Variants in PPP1R37 observed in about 807,000 individuals in gnomAD.
PPP1R37 encodes the protein leucine rich repeat containing 68.
Under a neutral mutation model 61.0 loss-of-function variants are expected in PPP1R37, and 21 were observed. That is an observed-to-expected ratio of 0.34 (90% CI 0.24 to 0.50). PPP1R37 has a LOEUF of 0.50. PPP1R37 is among the 20% of genes least tolerant of loss of function. The pLI is 0.98. For synonymous variants in PPP1R37, 443 were observed against 433.5 expected, an observed-to-expected ratio of 1.02 and a Z score of -0.27; for missense variants, 910 against 952.7, an observed-to-expected ratio of 0.96 and a Z score of 0.59.
At chr19:45,141,829 C>G (rs1311020917) in intron 5 of PPP1R37, among the ~76,000 whole-genome samples, 6 of 152,234 alleles carry the variant, frequency 3.9e-5, no homozygotes, top group Non-Finnish European at 7.3e-5. Context: ...TGGCTGCCAC[C>G]AGCCCTGCCT....
chr19:45,142,017 C>T lies in PPP1R37; in HGVS notation c.568-44C>T, dbSNP rs545675471. 1.0e-4 allele frequency: 149 copies of T among 1,456,104 alleles called. No individual in the cohort carries two copies. In the Middle Eastern group the frequency reaches 1.3e-3, roughly 12 times the overall value. The allele number at this position is 1,456,104 out of a possible 1,614,324, so 90.2% of individuals were successfully genotyped here. On this transcript the variant is annotated intron_variant, in intron 5 of 12. Transcript: ENST00000221462. ...GTCCTGGGGCCAGGGAGTGCTGGGGCAGGCCTGAGCCAGTGCCTCACCCCT... is the reference window on the plus strand; with the variant it reads ...GTCCTGGGGCCAGGGAGTGCTGGGGTAGGCCTGAGCCAGTGCCTCACCCCT...
At position 45,145,979 on chromosome 19, in the gene PPP1R37, C is replaced by T. The variant is rs1425798840; in HGVS notation, c.1923C>T (p.Phe641=). Residue 641 remains phenylalanine, a synonymous_variant, in exon 11 of 13, where the codon TTC becomes TTT. Coordinates refer to ENST00000221462, the MANE Select transcript of PPP1R37 (RefSeq NM_019121.2). The part of the protein sequence containing the change: ...PPLPNGLKPE[F]ALALPPEPPP... ...TGCCCAACGGCCTGAAGCCCGAGTTCGCCCTGGCACTGCCCCCTGAGCCGC... is the reference window on the plus strand; with the variant it reads ...TGCCCAACGGCCTGAAGCCCGAGTTTGCCCTGGCACTGCCCCCTGAGCCGC... 3.9e-6 allele frequency: 6 copies of T among 1,534,358 alleles called. No individual in the cohort carries two copies. Among genetic ancestry groups the T allele is most frequent in the African/African-American group, 1.4e-5 (1 of 72,984 alleles).
In PPP1R37 at chr19:45,130,938, G is replaced by T. The variant is rs892133; in HGVS notation, c.203-7576G>T. 0.035 allele frequency among the ~76,000 whole-genome samples: 5,278 copies of T among 151,844 alleles called. 306 individuals are homozygous for T. Among genetic ancestry groups the T allele is most frequent in the African/African-American group, 0.12 (4,913 of 41,388 alleles). On this transcript the variant is annotated intron_variant, in intron 1 of 12. Coordinates refer to ENST00000221462, the MANE Select transcript of PPP1R37 (RefSeq NM_019121.2). The surrounding 1 kb of genome is among the most constrained non-coding windows in gnomAD (Gnocchi z 4.4). ...ACCCTCCCACTGTGTCCCCCAGCCC[G>T]CACAGTGTTGCTTCCTGGTGTTTTG...
At position 45,146,966 on chromosome 19, in the gene PPP1R37, G is replaced by A. The variant is rs1968711607; in HGVS notation, c.*404G>A. The A allele has an allele frequency of 1.2e-5, 2 of 164,418 alleles. No individual in the cohort carries two copies. The highest frequency in any genetic ancestry group is 2.4e-5 in the African/African-American group (1 of 41,554). 10.2% of individuals were successfully genotyped at this position (164,418 alleles called of 1,614,324 possible). A position where few individuals can be genotyped will look rare whatever the true frequency, so the allele number is the denominator to read the frequency against. On this transcript the variant is annotated 3_prime_UTR_variant, in exon 13 of 13. Coordinates refer to ENST00000221462, the MANE Select transcript of PPP1R37 (RefSeq NM_019121.2). ...GGGCAGGCAGCCTGGTGCCGGAGAG[G>A]CGGTGCGTGCTGGTGGTGGTTGAGA...
chr19:45,131,108 A>G (rs1251007598), intron 1 of PPP1R37, among the ~76,000 whole-genome samples: 1 of 152,144 alleles, frequency 6.6e-6, no homozygotes, highest in Admixed American at 6.5e-5. Context: ...CCAGACAGAC[A>G]TCTCTCTGCC....
chr19:45,136,851 C>T (rs1968545324), intron 1 of PPP1R37: 1 of 152,326 alleles, frequency 6.6e-6, no homozygotes, highest in African/African-American at 2.4e-5. Flanking sequence ...CCCAGGGAGA[C>T]ACCATACTTT....
chr19:45,116,394 C>T (rs73034811), intron 1 of PPP1R37, among the ~76,000 whole-genome samples: 297 of 152,322 alleles, frequency 1.9e-3, no homozygotes, highest in Middle Eastern at 0.01. Flanking sequence ...AAGCCTAGCC[C>T]GCCCCCTGGA....
intron 1 of PPP1R37, among the ~76,000 whole-genome samples, chr19:45,133,473 G>A (rs1968502819): frequency 6.6e-6 from 1 of 152,234 alleles, no homozygotes; most frequent in African/African-American, 2.4e-5. Flanking sequence ...GTCACTGAGT[G>A]TGTGAGAGAG....
rs968375521 is a variant in PPP1R37, at chr19:45,130,742, G to A, written c.203-7772G>A. Reference sequence around the variant, plus strand: ...CCCTAGCTAGGACCTCCTGACTCTGGTGCTCTGTGAACCTGGCTCGCAGAC... The same window carrying A: ...CCCTAGCTAGGACCTCCTGACTCTGATGCTCTGTGAACCTGGCTCGCAGAC... On this transcript the variant is annotated intron_variant, in intron 1 of 12. Coordinates refer to ENST00000221462, the MANE Select transcript of PPP1R37 (RefSeq NM_019121.2). This position sits in a 1 kb window ranked among gnomAD's most constrained non-coding sequence, Gnocchi z 4.4. 1.4e-4 allele frequency among the ~76,000 whole-genome samples: 21 copies of A among 152,200 alleles called. No homozygotes were observed. Among genetic ancestry groups the A allele is most frequent in the Non-Finnish European group, 2.2e-4 (15 of 68,028 alleles).
At chr19:45,103,561 G>T (rs1295631874) in intron 1 of PPP1R37, among the ~76,000 whole-genome samples, 1 of 150,180 alleles carries the variant, frequency 6.7e-6, no homozygotes, top group Non-Finnish European at 1.5e-5. Flanking sequence ...CGCGTCCTGT[G>T]CAGTCTTCCC....
chr19:45,120,218 T>C (rs534497760), intron 1 of PPP1R37, among the ~76,000 whole-genome samples: 81 of 152,158 alleles, frequency 5.3e-4, no homozygotes, highest in African/African-American at 1.6e-3. Flanking sequence ...AAGGTTTCAC[T>C]GTGTTAGCCA....
In PPP1R37 at chr19:45,093,301, C is replaced by T. The variant is rs559512658; in HGVS notation, c.-25C>T. 9.4e-6 allele frequency: 13 copies of T among 1,384,024 alleles called. No individual in the cohort carries two copies. The highest frequency in any genetic ancestry group is 1.0e-5 in the Non-Finnish European group (11 of 1,075,024). The allele number at this position is 1,384,024 out of a possible 1,614,324, so 85.7% of individuals were successfully genotyped here. A position where few individuals can be genotyped will look rare whatever the true frequency, so the allele number is the denominator to read the frequency against. ...CGGGGCCCGGGGCATGTCCCCGGGG[C>T]CCCCGTGAGGAGGCGGCGGCGGCTA... On this transcript the variant is annotated 5_prime_UTR_variant, in exon 1 of 13. Transcript: ENST00000221462.
Position 45,093,318 on chromosome 19 carries a change from C to G in PPP1R37, c.-8C>G. On this transcript the variant is annotated 5_prime_UTR_variant, in exon 1 of 13. Transcript: ENST00000221462. ...CCCCGGGGCCCCCGTGAGGAGGCGGCGGCGGCTATGGAGATCGCGCCGCAG... is the reference window on the plus strand; with the variant it reads ...CCCCGGGGCCCCCGTGAGGAGGCGGGGGCGGCTATGGAGATCGCGCCGCAG... 7.1e-7 allele frequency: 1 copy of G among 1,412,412 alleles called. No individual in the cohort carries two copies. The highest frequency in any genetic ancestry group is 9.2e-7 in the Non-Finnish European group (1 of 1,089,972). The allele number at this position is 1,412,412 out of a possible 1,614,324, so 87.5% of individuals were successfully genotyped here. A position where few individuals can be genotyped will look rare whatever the true frequency, so the allele number is the denominator to read the frequency against.
chr19:45,142,003 A>G, intron 5 of PPP1R37, 58 bp from the exon 6 acceptor site: 2 of 1,317,772 alleles, frequency 1.5e-6, no homozygotes, highest in South Asian at 3.0e-5. Context: ...TCCTGGGGCC[A>G]GGGAGTGCTG....
Position 45,145,704 on chromosome 19 carries a change from T to C in PPP1R37, c.1648T>C (p.Ser550Pro). 1 of 1,532,780 alleles carries C rather than the reference T, an allele frequency of 6.5e-7. No homozygotes were observed. Among genetic ancestry groups the C allele is most frequent in the Non-Finnish European group, 8.7e-7 (1 of 1,145,724 alleles). The allele number at this position is 1,532,780 out of a possible 1,614,324, so 94.9% of individuals were successfully genotyped here. Residue 550 changes from serine (S) to proline (P), a missense_variant, in exon 11 of 13, where the codon TCC becomes CCC. Physicochemically the swap from Ser to Pro is moderately conservative, Grantham distance 74. This residue lies in a region of PPP1R37 where 549 missense variants were observed against 505.1 expected (regional missense o/e 1.09). Coordinates refer to ENST00000221462, the MANE Select transcript of PPP1R37 (RefSeq NM_019121.2). ...PGDRSPPGSP[S>P]TPTEQRISVS... ...GGACAGGAGTCCCCCAGGCAGCCCC[T>C]CCACACCCACCGAGCAGCGGATTTC...
Position 45,145,894 on chromosome 19 carries a change from G to T in PPP1R37, c.1838G>T (p.Arg613Leu). 7.1e-7 allele frequency: 1 copy of T among 1,399,494 alleles called. No homozygotes were observed. The highest frequency in any genetic ancestry group is 9.4e-7 in the Non-Finnish European group (1 of 1,063,372). The allele number at this position is 1,399,494 out of a possible 1,614,324, so 86.7% of individuals were successfully genotyped here. A position where few individuals can be genotyped will look rare whatever the true frequency, so the allele number is the denominator to read the frequency against. Residue 613 changes from arginine (R) to leucine (L), a missense_variant, in exon 11 of 13, where the codon CGG (arginine) becomes CTG (leucine). Physicochemically the swap from Arg to Leu is moderately radical, Grantham distance 102. Around this residue, in one of 3 missense-constraint regions of PPP1R37, gnomAD observed 549 missense variants for 505.1 expected, o/e 1.09. Coordinates refer to ENST00000221462, the MANE Select transcript of PPP1R37 (RefSeq NM_019121.2). The part of the protein sequence containing the change: ...SLPPAGAIDT[R>L]DTGSSEPQPP... Reference sequence around the variant, plus strand: ...CCACCAGCCGGGGCCATTGACACCCGGGACACAGGGTCCTCTGAGCCTCAG... The same window carrying T: ...CCACCAGCCGGGGCCATTGACACCCTGGACACAGGGTCCTCTGAGCCTCAG...
Position 45,145,440 on chromosome 19 carries a change from G to GAGGAGAAGGAGCAGCCGCC in PPP1R37, c.1386_1404dup (p.Gln469GlyfsTer14), listed in dbSNP as rs1321883743. 1 of 1,535,180 alleles carries GAGGAGAAGGAGCAGCCGCC rather than the reference G, an allele frequency of 6.5e-7. No individual in the cohort carries two copies. On this transcript the variant is annotated frameshift_variant, in exon 11 of 13. Coordinates refer to ENST00000221462, the MANE Select transcript of PPP1R37 (RefSeq NM_019121.2). LOFTEE classifies it high-confidence loss of function. Reference sequence around the variant, plus strand: ...CAACTTGGTGCTGGCGCGGGAGAGGGAGGAGAAGGAGCAGCCGCCACAGCT... The same window carrying GAGGAGAAGGAGCAGCCGCC: ...CAACTTGGTGCTGGCGCGGGAGAGGGAGGAGAAGGAGCAGCCGCCAGGAGAAGGAGCAGCCGCCACAGCT...
Position 45,138,067 on chromosome 19 carries a change from G to A in PPP1R37, c.203-447G>A, listed in dbSNP as rs546345897. 7.9e-5 allele frequency among the ~76,000 whole-genome samples: 12 copies of A among 152,240 alleles called. No homozygotes were observed. The South Asian group carries it at 2.3e-3, about 29-fold the overall frequency. ...GAGCCTGGGAGGTCAAGGCTGCAGTGAGCCATGTTCTCACCACTTTACTTC... is the reference window on the plus strand; with the variant it reads ...GAGCCTGGGAGGTCAAGGCTGCAGTAAGCCATGTTCTCACCACTTTACTTC... On this transcript the variant is annotated intron_variant, in intron 1 of 12. Transcript: ENST00000221462.
Position 45,143,508 on chromosome 19 carries a change from C to T in PPP1R37, c.875-13C>T, listed in dbSNP as rs1039933262. The stretch of plus-strand genomic sequence containing the variant: ...GGACCCCAGACAGGGCTCTGACTGC[C>T]GGCCTCCTCCAGGTCTGGCCTACAT... On this transcript the variant is annotated splice_polypyrimidine_tract_variant and intron_variant, in intron 7 of 12. Transcript: ENST00000221462. The T allele has an allele frequency of 2.9e-5, 43 of 1,498,340 alleles. No individual in the cohort carries two copies. Among genetic ancestry groups the T allele is most frequent in the South Asian group, 3.6e-5 (3 of 83,284 alleles). 92.8% of individuals were successfully genotyped at this position (1,498,340 alleles called of 1,614,324 possible). A position where few individuals can be genotyped will look rare whatever the true frequency, so the allele number is the denominator to read the frequency against.
Sources: allele counts gnomAD v4.1 joint callset (sites outside exome capture counted in the v4.1 genomes callset), GRCh38; gene constraint gnomAD v4.1.1; regional missense constraint gnomAD v4.1.1; non-coding constraint Gnocchi (gnomAD v3.1); transcripts MANE v1.5; gene names NCBI Gene and HGNC (gene_info 2026-07-23, HGNC 2026-07-21).